The following INSC variants were observed in gnomAD, a reference collection of about 807,000 sequenced individuals.
INSC encodes the protein INSC spindle orientation adaptor protein.
INSC carries 67 observed loss-of-function variants against 58.6 expected under a neutral mutation model. The observed-to-expected ratio is 1.14, with a 90% CI of 0.94 to 1.40. The LOEUF is 1.40. Among genes scored for constraint, INSC ranks in the 40% most tolerant of loss-of-function variants. The probability of loss-of-function intolerance (pLI) is 0.00; values close to 1 mark genes in which losing one functional copy is unlikely to be tolerated. For synonymous variants in INSC, 262 were observed against 276.1 expected (o/e 0.95, Z 0.51); for missense variants, 714 against 692.0 (o/e 1.03, Z -0.36).
intron 5 of INSC, 116 bp from the exon 6 acceptor site, chr11:15,190,585 G>C: frequency 4.0e-6 from 3 of 752,138 alleles, no homozygotes; most frequent in Non-Finnish European, 4.9e-6. Context: ...GTAGCTAGGG[G>C]CAGGAGTAGA....
chr11:15,154,646 A>T (rs565935913), intron 2 of INSC, among the ~76,000 whole-genome samples: 2 of 152,322 alleles, frequency 1.3e-5, no homozygotes, highest in South Asian at 4.1e-4. Flanking sequence ...CAGGGGCCAG[A>T]CTTCCACTGA....
the INSC span, among the ~76,000 whole-genome samples, chr11:15,267,509 T>C: frequency 6.6e-6 from 1 of 151,990 alleles, no homozygotes; most frequent in Non-Finnish European, 1.5e-5. Flanking sequence ...TCTACTGGAC[T>C]ATCTAGTCTG....
intron 1 of INSC, among the ~76,000 whole-genome samples, chr11:15,130,968 T>C (rs574801262): frequency 6.6e-6 from 1 of 152,108 alleles, no homozygotes; most frequent in Non-Finnish European, 1.5e-5. Context: ...AAACCAACTT[T>C]AGTCATTTTG....
intron 5 of INSC, among the ~76,000 whole-genome samples, chr11:15,187,173 A>G (rs1850000617): frequency 6.6e-6 from 1 of 152,174 alleles, no homozygotes; most frequent in Non-Finnish European, 1.5e-5. Context: ...CAGGGCTCCC[A>G]AAACAGTGTT....
intron 11 of INSC, 138 bp downstream of exon 11, chr11:15,239,212 G>T: frequency 9.6e-7 from 1 of 1,044,668 alleles, no homozygotes; most frequent in East Asian, 2.7e-5. Context: ...GCTCAGGGGT[G>T]GAGGCTCAGG....
chr11:15,185,102 T>C (rs1385741377), intron 5 of INSC, among the ~76,000 whole-genome samples: 1 of 152,214 alleles, frequency 6.6e-6, no homozygotes, highest in African/African-American at 2.4e-5. Context: ...ATTCTGCAAG[T>C]CAAGGCTTTT....
chr11:15,175,646 A>C (rs1287896548), intron 2 of INSC, 95 bp from the exon 3 acceptor site: 4 of 879,656 alleles, frequency 4.5e-6, no homozygotes, highest in Non-Finnish European at 6.8e-6. Context: ...CTAAACATAT[A>C]ATAGGTGCTT....
intron 9 of INSC, among the ~76,000 whole-genome samples, chr11:15,230,012 TAATA>T (rs1293938709): frequency 6.2e-4 from 16 of 25,850 alleles, no homozygotes; most frequent in African/African-American, 2.4e-3. Context: ...TATATATATA[TAATA>T]TATATATATA....
the INSC span, among the ~76,000 whole-genome samples, chr11:15,260,685 G>T: frequency 6.6e-6 from 1 of 152,120 alleles, no homozygotes; most frequent in East Asian, 1.9e-4. Flanking sequence ...TGAGGTAATA[G>T]AGATTATAAT....
At chr11:15,171,992 T>C (rs1475698726) in intron 2 of INSC, among the ~76,000 whole-genome samples, 1 of 152,178 alleles carries the variant, frequency 6.6e-6, no homozygotes, top group Non-Finnish European at 1.5e-5. Context: ...GGCCAGGGGA[T>C]CACCCCTGTG....
At chr11:15,193,489 T>C (rs147440447) in intron 6 of INSC, among the ~76,000 whole-genome samples, 3,128 of 152,308 alleles carry the variant, frequency 0.021, 37 homozygotes, top group Non-Finnish European at 0.029. Flanking sequence ...TTCCCCTTCC[T>C]GTGTCCAAGT....
intron 12 of INSC, 133 bp downstream of exon 12, chr11:15,240,656 G>A (rs537024143): frequency 3.3e-5 from 23 of 693,772 alleles, no homozygotes; most frequent in South Asian, 3.2e-4. Context: ...TTTCTCTTTA[G>A]GATTGTGAAC....
chr11:15,235,472 T>C (rs1000836271), intron 9 of INSC, 130 bp from the exon 10 acceptor site: 1 of 752,602 alleles, frequency 1.3e-6, no homozygotes, highest in Non-Finnish European at 2.4e-6. Context: ...CGTGGAAGGA[T>C]AGGCCCGGTG....
chr11:15,223,741 T>C (rs1299773264), intron 8 of INSC, among the ~76,000 whole-genome samples: 1 of 152,168 alleles, frequency 6.6e-6, no homozygotes, highest in Non-Finnish European at 1.5e-5. Flanking sequence ...GGCTGGGGAC[T>C]CCAGTGATTT....
intron 1 of INSC, among the ~76,000 whole-genome samples, chr11:15,133,875 T>G (rs113922343): frequency 0.022 from 3,297 of 152,356 alleles, 97 homozygotes; most frequent in African/African-American, 0.068. Context: ...AAATTGTTCT[T>G]ATGGAGAAGT....
intron 1 of INSC, among the ~76,000 whole-genome samples, chr11:15,122,322 G>C (rs1289928492): frequency 6.6e-6 from 1 of 152,180 alleles, no homozygotes; most frequent in South Asian, 2.1e-4. Context: ...AGAAGAAAGA[G>C]CCTGGAGATT....
chr11:15,241,612 C>G, intron 12 of INSC: 1 of 702,970 alleles, frequency 1.4e-6, no homozygotes, highest in Non-Finnish European at 2.6e-6. Flanking sequence ...CATCTCTGCC[C>G]TCCTGCTGTG....
the INSC span, among the ~76,000 whole-genome samples, chr11:15,256,581 C>T: frequency 1.3e-5 from 2 of 151,598 alleles, no homozygotes; most frequent in East Asian, 3.9e-4. Context: ...CCTCCGCCTT[C>T]CAGTTTCAAG....
At chr11:15,209,059 CAG>C (rs113745481) in intron 7 of INSC, among the ~76,000 whole-genome samples, 9,203 of 152,216 alleles carry the variant, frequency 0.06, 541 homozygotes, top group African/African-American at 0.15. Context: ...CAGATTTCCC[CAG>C]AGAGTCTGTC....
Sources: gnomAD v4.1 joint callset for allele counts (sites outside exome capture counted in the v4.1 genomes callset) on GRCh38, gnomAD v4.1.1 for gene constraint, MANE v1.5 for transcripts, NCBI Gene and HGNC (gene_info 2026-07-23, HGNC 2026-07-21) for gene names.